Variants in PODXL2 observed in about 807,000 individuals in gnomAD.
PODXL2 encodes podocalyxin like 2.
In PODXL2, 17 loss-of-function variants were observed where a neutral mutation model predicts 53.4. That is an observed-to-expected ratio of 0.32 (90% confidence interval 0.22 to 0.48). The LOEUF is 0.48. Ranked by LOEUF, PODXL2 falls within the 20% of genes least tolerant of loss-of-function variation. PODXL2 has a pLI of 0.99. For missense variants in PODXL2, 673 were observed against 760.0 expected (o/e 0.89, Z 1.35); for synonymous variants, 311 against 306.7 (o/e 1.01, Z -0.15).
At chr3:127,638,637 C>A (rs958845107) in intron 1 of PODXL2, among the ~76,000 whole-genome samples, 1 of 152,082 alleles carries the variant, frequency 6.6e-6, no homozygotes, top group African/African-American at 2.4e-5. Flanking sequence ...ATCACTTGAA[C>A]CTGGGAGGCG....
At chr3:127,649,862 A>C (rs144474810) in intron 2 of PODXL2, among the ~76,000 whole-genome samples, 1 of 152,182 alleles carries the variant, frequency 6.6e-6, no homozygotes, top group Admixed American at 6.5e-5. Flanking sequence ...GCTTGAACGC[A>C]GGAGACAGAG....
At chr3:127,646,454 C>T (rs1315826547) in intron 2 of PODXL2, among the ~76,000 whole-genome samples, 1 of 151,182 alleles carries the variant, frequency 6.6e-6, no homozygotes, top group Admixed American at 6.6e-5. Context: ...GTGCAACAGT[C>T]TTGGCTCACT....
At chr3:127,652,003 C>G (rs918547440) in intron 2 of PODXL2, among the ~76,000 whole-genome samples, 2 of 152,152 alleles carry the variant, frequency 1.3e-5, no homozygotes, top group South Asian at 4.1e-4. Flanking sequence ...CACAAAGGTA[C>G]GGGCAGACTG....
At chr3:127,672,196 C>A in intron 7 of PODXL2, 72 bp from the exon 8 acceptor site, 1 of 1,341,796 alleles carries the variant, frequency 7.5e-7, no homozygotes, top group Non-Finnish European at 1.0e-6. Flanking sequence ...TGGGGTTGCA[C>A]AGACGGCCGC....
Position 127,661,082 on chromosome 3 carries a change from CAAG to C in PODXL2, c.1059_1061del (p.Glu353del). ...GACACCTTCCTCTGCTACCTTGGGACAAGAAGATCTCAACCAGCAGCTCCTAGA... is the reference window on the plus strand; with the variant it reads ...GACACCTTCCTCTGCTACCTTGGGACAAGATCTCAACCAGCAGCTCCTAGA... On this transcript the variant is annotated inframe_deletion, in exon 3 of 8. Coordinates refer to ENST00000342480, the MANE Select transcript of PODXL2 (RefSeq NM_015720.4). The C allele has an allele frequency of 6.2e-7, 1 of 1,614,212 alleles. No homozygotes were observed. The highest frequency in any genetic ancestry group is 8.5e-7 in the Non-Finnish European group (1 of 1,180,028).
At chr3:127,670,851 G>A (rs941660730) in intron 6 of PODXL2, among the ~76,000 whole-genome samples, 3 of 152,228 alleles carry the variant, frequency 2.0e-5, no homozygotes, top group East Asian at 1.9e-4. Flanking sequence ...AACCTGCAGC[G>A]TGGAGGGATG....
At chr3:127,630,224 A>G (rs892014909) in intron 1 of PODXL2, among the ~76,000 whole-genome samples, 3 of 152,182 alleles carry the variant, frequency 2.0e-5, no homozygotes, top group Admixed American at 6.5e-5. Context: ...AAATAAGGTC[A>G]TAGCTGAGCA....
intron 4 of PODXL2, among the ~76,000 whole-genome samples, chr3:127,667,007 C>T (rs905127820): frequency 3.9e-5 from 6 of 152,304 alleles, no homozygotes; most frequent in African/African-American, 1.2e-4. Flanking sequence ...CTGGCAGGGG[C>T]GGGCATGCAC....
intron 2 of PODXL2, among the ~76,000 whole-genome samples, chr3:127,652,355 G>A (rs555915261): frequency 3.3e-5 from 5 of 152,124 alleles, no homozygotes; most frequent in Non-Finnish European, 7.4e-5. Flanking sequence ...CACCAGGGGG[G>A]GCTGTGACTT....
intron 2 of PODXL2, among the ~76,000 whole-genome samples, chr3:127,645,314 C>G (rs2074645698): frequency 6.6e-6 from 1 of 152,226 alleles, no homozygotes; most frequent in South Asian, 2.1e-4. Flanking sequence ...TGACAACAGC[C>G]TGGCCTATTC....
At chr3:127,670,136 C>G (rs542406903) in intron 6 of PODXL2, among the ~76,000 whole-genome samples, 2 of 152,192 alleles carry the variant, frequency 1.3e-5, no homozygotes, top group Non-Finnish European at 1.5e-5. Flanking sequence ...GTGCAAGGCT[C>G]TCTCCCTCAG....
chr3:127,665,462 C>T (rs1283577224), intron 4 of PODXL2, among the ~76,000 whole-genome samples: 1 of 152,004 alleles, frequency 6.6e-6, no homozygotes, highest in Non-Finnish European at 1.5e-5. Context: ...TTCTATTTTA[C>T]CTAGATGTCA....
chr3:127,647,929 A>T (rs980022202), intron 2 of PODXL2, among the ~76,000 whole-genome samples: 6 of 152,172 alleles, frequency 3.9e-5, no homozygotes, highest in African/African-American at 1.4e-4. Context: ...CCCAGAGTAG[A>T]ATTGAGGTGC....
intron 2 of PODXL2, among the ~76,000 whole-genome samples, chr3:127,642,377 T>A (rs2074627056): frequency 6.6e-6 from 1 of 151,878 alleles, no homozygotes; most frequent in African/African-American, 2.4e-5. Flanking sequence ...AAGGAGAGTT[T>A]GTTTATGAAG....
chr3:127,655,926 G>C (rs537576796), intron 2 of PODXL2, among the ~76,000 whole-genome samples: 4 of 152,400 alleles, frequency 2.6e-5, no homozygotes, highest in African/African-American at 9.6e-5. Flanking sequence ...ATTTTGGGAG[G>C]CAGGAGAGGA....
intron 4 of PODXL2, among the ~76,000 whole-genome samples, chr3:127,667,191 C>T (rs567177778): frequency 1.3e-5 from 2 of 152,382 alleles, no homozygotes; most frequent in Admixed American, 6.5e-5. Flanking sequence ...TGGCATTTGC[C>T]ATGGTAACAA....
At chr3:127,657,105 G>A (rs1464058013) in intron 2 of PODXL2, among the ~76,000 whole-genome samples, 1 of 152,222 alleles carries the variant, frequency 6.6e-6, no homozygotes, top group Non-Finnish European at 1.5e-5. Flanking sequence ...GCGCAGATAA[G>A]TTAGTGGCTG....
intron 2 of PODXL2, among the ~76,000 whole-genome samples, chr3:127,658,804 A>G (rs140050797): frequency 6.8e-6 from 1 of 147,512 alleles, no homozygotes; most frequent in Non-Finnish European, 1.5e-5. Context: ...TTTCATTGCA[A>G]AGATTCATGT....
intron 2 of PODXL2, among the ~76,000 whole-genome samples, chr3:127,645,838 G>A (rs147421211): frequency 2.6e-5 from 4 of 152,308 alleles, no homozygotes; most frequent in East Asian, 3.9e-4. Flanking sequence ...CTTGTGCCCC[G>A]GAGCCACAGG....
Sources: allele counts gnomAD v4.1 joint callset (sites outside exome capture counted in the v4.1 genomes callset), GRCh38; gene constraint gnomAD v4.1.1; transcripts MANE v1.5; gene names NCBI Gene and HGNC (gene_info 2026-07-23, HGNC 2026-07-21).